The following TSPAN9 variants were observed in gnomAD, a reference collection of about 807,000 sequenced individuals.
TSPAN9 encodes the protein tetraspanin-9.
A neutral mutation model predicts 31.0 loss-of-function variants in TSPAN9; 16 were observed. That is an observed-to-expected ratio of 0.52 (90% CI 0.35 to 0.78). The LOEUF (loss-of-function observed/expected upper bound fraction) is 0.78. TSPAN9 is among the 30% of genes least tolerant of loss of function. TSPAN9 has a pLI of 0.01. For missense variants in TSPAN9, 272 were observed against 312.5 expected, an observed-to-expected ratio of 0.87 and a Z score of 0.98; for synonymous variants, 145 against 121.6, an observed-to-expected ratio of 1.19 and a Z score of -1.27.
chr12:3,167,076 T>C (rs995996297), intron 2 of TSPAN9, among the ~76,000 whole-genome samples: 7 of 151,782 alleles, frequency 4.6e-5, no homozygotes, highest in African/African-American at 1.7e-4. Flanking sequence ...GGATTACAGG[T>C]ATGAGCCACC....
chr12:3,250,848 G>T (rs968455822), intron 3 of TSPAN9, among the ~76,000 whole-genome samples: 1 of 152,250 alleles, frequency 6.6e-6, no homozygotes, highest in African/African-American at 2.4e-5. Context: ...GCCATGATGG[G>T]CACAGCAGCC....
intron 3 of TSPAN9, among the ~76,000 whole-genome samples, chr12:3,226,810 C>T (rs1424211719): frequency 9.4e-4 from 56 of 59,532 alleles, no homozygotes; most frequent in African/African-American, 1.9e-3. Context: ...TTTTTTTTTT[C>T]CCTCTTCGAA....
intron 2 of TSPAN9, among the ~76,000 whole-genome samples, chr12:3,128,116 T>G (rs915394876): frequency 6.6e-6 from 1 of 152,216 alleles, no homozygotes; most frequent in Non-Finnish European, 1.5e-5. Context: ...TGAAGCATTG[T>G]TATGTGGTGC....
intron 2 of TSPAN9, among the ~76,000 whole-genome samples, chr12:3,098,289 T>C (rs1436588705): frequency 1.3e-5 from 2 of 152,190 alleles, no homozygotes; most frequent in Non-Finnish European, 2.9e-5. Context: ...GTAGAATGTT[T>C]TCATTGCCTC....
At chr12:3,108,668 C>T (rs1162753105) in intron 2 of TSPAN9, among the ~76,000 whole-genome samples, 2 of 152,194 alleles carry the variant, frequency 1.3e-5, no homozygotes, top group African/African-American at 2.4e-5. Context: ...TTTTGGAACT[C>T]ATAGAATTTA....
chr12:3,278,704 T>C, intron 4 of TSPAN9, 92 bp downstream of exon 4: 4 of 1,501,640 alleles, frequency 2.7e-6, no homozygotes, highest in East Asian at 4.6e-5. Flanking sequence ...ATTAGCCACC[T>C]GGGTGTCCAA....
At chr12:3,148,815 C>T (rs2098338546) in intron 2 of TSPAN9, among the ~76,000 whole-genome samples, 1 of 152,352 alleles carries the variant, frequency 6.6e-6, no homozygotes, top group South Asian at 2.1e-4. Flanking sequence ...CTGTTGTCCA[C>T]CTCCCAGCCT....
At chr12:3,221,306 C>A (rs2098384385) in intron 3 of TSPAN9, among the ~76,000 whole-genome samples, 2 of 151,232 alleles carry the variant, frequency 1.3e-5, no homozygotes, top group African/African-American at 4.9e-5. Context: ...CAACATATTA[C>A]AACAGTTTAT....
intron 2 of TSPAN9, among the ~76,000 whole-genome samples, chr12:3,094,570 CTTG>C (rs1253005706): frequency 1.4e-5 from 2 of 143,692 alleles, no homozygotes; most frequent in African/African-American, 5.3e-5. Context: ...GAGTTTTGCT[CTTG>C]TTGTCCAGGC....
At chr12:3,180,463 C>T (rs1001483961) in intron 2 of TSPAN9, among the ~76,000 whole-genome samples, 22 of 149,832 alleles carry the variant, frequency 1.5e-4, no homozygotes, top group African/African-American at 4.9e-4. Context: ...GGCAGCAGAG[C>T]GAGATGCTGT....
chr12:3,210,102 C>T (rs1487909567), intron 3 of TSPAN9, among the ~76,000 whole-genome samples: 1 of 150,042 alleles, frequency 6.7e-6, no homozygotes, highest in Non-Finnish European at 1.5e-5. Flanking sequence ...GCACTGCACT[C>T]CAGCCTGGGC....
chr12:3,081,844 G>GTGTGTGTGTATATATATATATATATA (rs57812985), intron 1 of TSPAN9, among the ~76,000 whole-genome samples: 8 of 116,726 alleles, frequency 6.9e-5, no homozygotes, highest in East Asian at 2.6e-4. Context: ...GTCTGTGTGT[G>GTGTGTGTGTATATATATATATATATA]TATATATATG....
At chr12:3,190,055 T>C (rs2098363513) in intron 2 of TSPAN9, among the ~76,000 whole-genome samples, 1 of 152,224 alleles carries the variant, frequency 6.6e-6, no homozygotes, top group Non-Finnish European at 1.5e-5. Flanking sequence ...CTTCTCCATC[T>C]TCTTCACTTT....
intron 2 of TSPAN9, among the ~76,000 whole-genome samples, chr12:3,098,023 A>AG (rs2098309995): frequency 6.6e-6 from 1 of 152,246 alleles, no homozygotes; most frequent in African/African-American, 2.4e-5. Flanking sequence ...ACGCATGTGT[A>AG]GATGTGCACC....
chr12:3,142,320 T>G (rs1172649880), intron 2 of TSPAN9, among the ~76,000 whole-genome samples: 1 of 152,198 alleles, frequency 6.6e-6, no homozygotes, highest in Non-Finnish European at 1.5e-5. Flanking sequence ...CCTTTTTCTC[T>G]GTCTGGGGAC....
intron 2 of TSPAN9, among the ~76,000 whole-genome samples, chr12:3,193,341 C>T (rs2098365450): frequency 6.6e-6 from 1 of 152,192 alleles, no homozygotes; most frequent in South Asian, 2.1e-4. Context: ...TCCACACCAC[C>T]TGCCTGGCTC....
At chr12:3,161,169 C>T (rs556026490) in intron 2 of TSPAN9, among the ~76,000 whole-genome samples, 4 of 151,970 alleles carry the variant, frequency 2.6e-5, no homozygotes, top group South Asian at 2.1e-4. Flanking sequence ...TGGGATGAGT[C>T]GAGATTGCAC....
intron 2 of TSPAN9, among the ~76,000 whole-genome samples, chr12:3,094,728 T>A (rs11830834): frequency 6.6e-6 from 1 of 151,930 alleles, no homozygotes; most frequent in Admixed American, 6.6e-5. Context: ...AGAGATGAGG[T>A]TTCTCCATGT....
At chr12:3,161,797 ATCTATCTATCTATCTATCTG>A (rs1290972827) in intron 2 of TSPAN9, among the ~76,000 whole-genome samples, 13 of 91,544 alleles carry the variant, frequency 1.4e-4, no homozygotes, top group African/African-American at 4.0e-4. Flanking sequence ...CTATCTATCT[ATCTATCTATCTATCTATCTG>A]TCTGTCTGTT....
Sources: gnomAD v4.1 joint callset for allele counts (sites outside exome capture counted in the v4.1 genomes callset) on GRCh38, gnomAD v4.1.1 for gene constraint, MANE v1.5 for transcripts, NCBI Gene and HGNC (gene_info 2026-07-23, HGNC 2026-07-21) for gene names.